CCNY: variants seen among roughly 807,000 people sequenced by gnomAD.
CCNY encodes the protein cyclin Y.
In CCNY, 19 loss-of-function variants were observed where a neutral mutation model predicts 42.8. The observed-to-expected ratio is 0.44, with a 90% confidence interval of 0.31 to 0.65. The LOEUF (loss-of-function observed/expected upper bound fraction) is 0.65. CCNY is among the 30% of genes least tolerant of loss of function. The probability of loss-of-function intolerance (pLI) is 0.07; values close to 1 mark genes in which losing one functional copy is unlikely to be tolerated. For missense variants in CCNY, 370 were observed against 437.3 expected (o/e 0.85, Z 1.37); for synonymous variants, 165 against 162.7 (o/e 1.01, Z -0.11).
rs192096955 is a variant in CCNY, at chr10:35,445,670, C to T, written c.155-37734C>T. On this transcript the variant is annotated intron_variant, in intron 1 of 9. Coordinates refer to ENST00000374704, the MANE Select transcript of CCNY (RefSeq NM_145012.6). ...TCCTAGGATCTTGACTAGGAAAGGA[C>T]GGAGGTTGTTTGGAAACCAGAGGGA... 5.0e-4 allele frequency among the ~76,000 whole-genome samples: 76 copies of T among 152,082 alleles called. 1 individual carries two copies. In the East Asian group the frequency reaches 0.012, roughly 23 times the overall value.
At chr10:35,446,233 A>C (rs992511180) in intron 1 of CCNY, among the ~76,000 whole-genome samples, 2 of 152,264 alleles carry the variant, frequency 1.3e-5, no homozygotes, top group Admixed American at 1.3e-4. Flanking sequence ...TTTTAAAAAT[A>C]GTACTAAATG....
chr10:35,544,110 C>A (rs970799867), intron 7 of CCNY, among the ~76,000 whole-genome samples: 1 of 152,002 alleles, frequency 6.6e-6, no homozygotes, highest in African/African-American at 2.4e-5. Flanking sequence ...TACAGAAAAT[C>A]TTTTTCATAA....
intron 2 of CCNY, among the ~76,000 whole-genome samples, chr10:35,496,776 CATT>C (rs752480257): frequency 1.7e-4 from 26 of 152,332 alleles, no homozygotes; most frequent in South Asian, 4.1e-4. Context: ...AACAAATCCT[CATT>C]AATAATCACA....
chr10:35,262,512 C>A (rs886428303), intron 3 of CCNY, among the ~76,000 whole-genome samples: 1 of 151,740 alleles, frequency 6.6e-6, no homozygotes, highest in Non-Finnish European at 1.5e-5. Context: ...GTGCACGCCA[C>A]CACACCTGGC....
rs757874874 is a variant in CCNY at position 35,566,191 on chromosome 10, A to T, written c.909+6A>T. 6.2e-6 allele frequency: 10 copies of T among 1,612,342 alleles called. No homozygotes were observed. In the East Asian group the frequency reaches 1.8e-4, roughly 29 times the overall value. On this transcript the variant is annotated splice_donor_region_variant and intron_variant, in intron 9 of 9. Transcript: ENST00000374704. ...AGAGGGCTCACAAGCTTGAGGTAAG[A>T]TGGTTTAAAACAGCGTTTTGTGGTG...
At chr10:35,368,733 T>A (rs1836864764) in intron 1 of CCNY, among the ~76,000 whole-genome samples, 1 of 137,498 alleles carries the variant, frequency 7.3e-6, no homozygotes, top group African/African-American at 3.0e-5. Context: ...CGGTGTGGCA[T>A]AGGAGTGCCC....
chr10:35,403,426 G>A (rs1837687548), intron 1 of CCNY, among the ~76,000 whole-genome samples: 1 of 152,232 alleles, frequency 6.6e-6, no homozygotes, highest in East Asian at 1.9e-4. Context: ...TCGATGAGAA[G>A]GAGAAAAACT....
intron 1 of CCNY, among the ~76,000 whole-genome samples, chr10:35,460,228 A>C (rs1839127206): frequency 6.6e-6 from 1 of 152,188 alleles, no homozygotes; most frequent in African/African-American, 2.4e-5. Flanking sequence ...TCTTTTAAAA[A>C]ATCTCTCTCT....
chr10:35,318,095 G>T (rs2135092679), intron 3 of CCNY, among the ~76,000 whole-genome samples: 1 of 152,182 alleles, frequency 6.6e-6, no homozygotes, highest in East Asian at 1.9e-4. Flanking sequence ...GAGCGTGGTT[G>T]TGTGTGTCTA....
chr10:35,364,681 G>A (rs1836771436), intron 1 of CCNY, among the ~76,000 whole-genome samples: 1 of 152,146 alleles, frequency 6.6e-6, no homozygotes, highest in Admixed American at 6.6e-5. Flanking sequence ...TCATTTCTGT[G>A]AATTGTGTTT....
At chr10:35,446,271 A>G (rs551083065) in intron 1 of CCNY, among the ~76,000 whole-genome samples, 3 of 152,348 alleles carry the variant, frequency 2.0e-5, no homozygotes, top group African/African-American at 7.2e-5. Flanking sequence ...ATACTTTATC[A>G]TCTGAGAAGT....
chr10:35,490,207 C>T (rs1839868953), intron 2 of CCNY, among the ~76,000 whole-genome samples: 1 of 152,200 alleles, frequency 6.6e-6, no homozygotes, highest in African/African-American at 2.4e-5. Context: ...AATATATTTT[C>T]CTCAGAATGC....
intron 1 of CCNY, among the ~76,000 whole-genome samples, chr10:35,382,676 T>C (rs1372274594): frequency 1.3e-5 from 2 of 152,094 alleles, no homozygotes; most frequent in African/African-American, 4.8e-5. Context: ...AGTTGTCCAG[T>C]AGTGCTGAGC....
chr10:35,525,947 G>A lies in CCNY; in HGVS notation c.366-17G>A. 6.2e-7 allele frequency: 1 copy of A among 1,610,508 alleles called. No homozygotes were observed. Among genetic ancestry groups the A allele is most frequent in the Non-Finnish European group, 8.5e-7 (1 of 1,178,534 alleles). ...ATATGCTCATGGACACTGAACCTCT[G>A]CATTCTATTTTTACAGTGTCGCTCT... On this transcript the variant is annotated splice_polypyrimidine_tract_variant and intron_variant, in intron 4 of 9. Coordinates refer to ENST00000374704, the MANE Select transcript of CCNY (RefSeq NM_145012.6).
upstream of CCNY, among the ~76,000 whole-genome samples, chr10:35,335,216 G>A (rs1051405455): frequency 3.3e-5 from 5 of 151,994 alleles, no homozygotes; most frequent in Non-Finnish European, 7.4e-5. Flanking sequence ...GAGGGAATGC[G>A]AACCAACATT....
chr10:35,568,608 G>A (rs184065340), intron 9 of CCNY, among the ~76,000 whole-genome samples: 3 of 152,306 alleles, frequency 2.0e-5, no homozygotes, highest in Admixed American at 6.5e-5. Flanking sequence ...TGTCTTTGCC[G>A]CCAGCGGCCG....
At chr10:35,345,146 A>T (rs1836272734) in intron 1 of CCNY, among the ~76,000 whole-genome samples, 1 of 152,214 alleles carries the variant, frequency 6.6e-6, no homozygotes, top group Admixed American at 6.5e-5. Flanking sequence ...CTGAGGAATC[A>T]CCACACTGAC....
At chr10:35,371,217 A>G (rs192631201) in intron 1 of CCNY, among the ~76,000 whole-genome samples, 4 of 152,292 alleles carry the variant, frequency 2.6e-5, no homozygotes, top group Non-Finnish European at 4.4e-5. Flanking sequence ...AAGCAACGTG[A>G]TACCTGTGTA....
intron 1 of CCNY, among the ~76,000 whole-genome samples, chr10:35,387,386 G>T (rs1837321151): frequency 6.6e-6 from 1 of 152,218 alleles, no homozygotes; most frequent in Non-Finnish European, 1.5e-5. Flanking sequence ...GGATAGAAAT[G>T]CAGAGGAGGC....
Sources: gnomAD v4.1 joint callset for allele counts (sites outside exome capture counted in the v4.1 genomes callset) on GRCh38, gnomAD v4.1.1 for gene constraint, MANE v1.5 for transcripts, NCBI Gene and HGNC (gene_info 2026-07-23, HGNC 2026-07-21) for gene names.